Variants in WSCD1 observed in about 807,000 individuals in gnomAD.
WSCD1 encodes WSC domain sialate O sulfotransferase 1, also known as sialate:O-sulfotransferase 1.
Under a neutral mutation model 60.4 loss-of-function variants are expected in WSCD1, and 41 were observed. That is an observed-to-expected ratio of 0.68 (90% CI 0.53 to 0.88). The LOEUF is 0.88. WSCD1 is among the 40% of genes least tolerant of loss of function. The pLI, the probability that WSCD1 is intolerant of heterozygous loss-of-function variation, is 0.00. For missense variants in WSCD1, 784 were observed against 796.2 expected (o/e 0.98, Z 0.18); for synonymous variants, 361 against 332.5 (o/e 1.09, Z -0.93).
chr17:6,121,009 G>A lies in WSCD1; in HGVS notation c.*348G>A, dbSNP rs540825861. The A allele has an allele frequency of 3.2e-4, 92 of 284,188 alleles. No homozygotes were observed. Among genetic ancestry groups the A allele is most frequent in the African/African-American group, 1.9e-3 (90 of 46,202 alleles). The allele number at this position is 284,188 out of a possible 1,614,324, so 17.6% of individuals were successfully genotyped here. A position where few individuals can be genotyped will look rare whatever the true frequency, so the allele number is the denominator to read the frequency against. On this transcript the variant is annotated 3_prime_UTR_variant, in exon 9 of 9. Coordinates refer to ENST00000317744, the MANE Select transcript of WSCD1 (RefSeq NM_015253.2). ...GCACAGACGTAACACACAGGTGCCAGGCCGTGTGCTCCTGGAGGCTGGCTG... is the reference window on the plus strand; with the variant it reads ...GCACAGACGTAACACACAGGTGCCAAGCCGTGTGCTCCTGGAGGCTGGCTG...
At chr17:6,093,435 C>A (rs980731658) in intron 4 of WSCD1, among the ~76,000 whole-genome samples, 1 of 152,166 alleles carries the variant, frequency 6.6e-6, no homozygotes, top group African/African-American at 2.4e-5. Context: ...CCTCATGGCC[C>A]CCTTTTGTCC....
Position 6,110,337 on chromosome 17 carries a change from A to G in WSCD1, c.1010-434A>G, listed in dbSNP as rs1911339606. 6.6e-6 allele frequency among the ~76,000 whole-genome samples: 1 copy of G among 152,168 alleles called. No homozygotes were observed. Among genetic ancestry groups the G allele is most frequent in the Non-Finnish European group, 1.5e-5 (1 of 68,030 alleles). On this transcript the variant is annotated intron_variant, in intron 6 of 8. Coordinates refer to ENST00000317744, the MANE Select transcript of WSCD1 (RefSeq NM_015253.2). The surrounding 1 kb of genome is among the most constrained non-coding windows in gnomAD (Gnocchi z 4.8). ...TGTAGCAGCCCTGGGGATGAGACAT[A>G]ACGAATGACTTGCCTGTCATTAGTC...
At chr17:6,100,785 A>C (rs1294961271) in intron 5 of WSCD1, among the ~76,000 whole-genome samples, 1 of 152,110 alleles carries the variant, frequency 6.6e-6, no homozygotes, top group Non-Finnish European at 1.5e-5. Flanking sequence ...TGTCCTCTGG[A>C]GGGTAAAATC....
intron 4 of WSCD1, among the ~76,000 whole-genome samples, chr17:6,093,116 GTCATTCTGCC>G (rs1910166449): frequency 6.6e-6 from 1 of 152,220 alleles, no homozygotes; most frequent in South Asian, 2.1e-4. Flanking sequence ...CCTTGGAGGC[GTCATTCTGCC>G]AAGTGACCCT....
Position 6,075,862 on chromosome 17 carries a change from T to C in WSCD1, c.-288-4509T>C, listed in dbSNP as rs1490459792. 6.6e-6 allele frequency among the ~76,000 whole-genome samples: 1 copy of C among 152,064 alleles called. No homozygotes were observed. Among genetic ancestry groups the C allele is most frequent in the Non-Finnish European group, 1.5e-5 (1 of 68,006 alleles). ...GGAAGCACACCTTGGGGAAAAATTC[T>C]CCAGACTTTCAGAGGGGAGGGGCCC... is the stretch of plus-strand genomic sequence containing the variant. On this transcript the variant is annotated intron_variant, in intron 1 of 8. Coordinates refer to ENST00000317744, the MANE Select transcript of WSCD1 (RefSeq NM_015253.2). This position sits in a 1 kb window ranked among gnomAD's most constrained non-coding sequence, Gnocchi z 4.1.
intron 1 of WSCD1, among the ~76,000 whole-genome samples, chr17:6,079,053 G>A (rs1377735262): frequency 6.6e-6 from 1 of 152,250 alleles, no homozygotes; most frequent in East Asian, 1.9e-4. Context: ...AGCCGACCCA[G>A]ATTTCCAGAT....
At chr17:6,086,792 C>T (rs1909680650) in intron 2 of WSCD1, among the ~76,000 whole-genome samples, 1 of 152,188 alleles carries the variant, frequency 6.6e-6, no homozygotes, top group Non-Finnish European at 1.5e-5. Context: ...TGCCCTGGAC[C>T]AGGCTCTTGG....
intron 2 of WSCD1, among the ~76,000 whole-genome samples, chr17:6,083,040 G>A (rs1909380399): frequency 6.6e-6 from 1 of 152,140 alleles, no homozygotes; most frequent in Non-Finnish European, 1.5e-5. Flanking sequence ...AAGGGAGGGA[G>A]GAATGAGGAG....
At chr17:6,109,842 A>C in intron 6 of WSCD1, 76 bp downstream of exon 6, 1 of 1,555,758 alleles carries the variant, frequency 6.4e-7, no homozygotes, top group Non-Finnish European at 8.7e-7. Context: ...TGGAGATGCC[A>C]GTCATGGCCA....
chr17:6,111,905 C>T (rs1911436083), intron 7 of WSCD1, among the ~76,000 whole-genome samples: 1 of 152,030 alleles, frequency 6.6e-6, no homozygotes, highest in Non-Finnish European at 1.5e-5. Flanking sequence ...ATTTTATGAT[C>T]CGAATGAGAA....
chr17:6,070,266 G>A (rs926361640), upstream of WSCD1, among the ~76,000 whole-genome samples: 61 of 149,058 alleles, frequency 4.1e-4, no homozygotes, highest in African/African-American at 1.4e-3. Flanking sequence ...CAGGGCGTGG[G>A]CCCCCTCCGG....
rs1910815894 is a variant in WSCD1 at position 6,101,800 on chromosome 17, G to T, written c.849+6577G>T. 6.6e-6 allele frequency among the ~76,000 whole-genome samples: 1 copy of T among 152,194 alleles called. No individual in the cohort carries two copies. The highest frequency in any genetic ancestry group is 2.4e-5 in the African/African-American group (1 of 41,454). On this transcript the variant is annotated intron_variant, in intron 5 of 8. Coordinates refer to ENST00000317744, the MANE Select transcript of WSCD1 (RefSeq NM_015253.2). The surrounding 1 kb of genome is among the most constrained non-coding windows in gnomAD (Gnocchi z 4.1). ...GCAAGGCAAGAGTGAGCAGGGGGCAGCTTCGATATTTGCATTGCTACCAAT... is the reference window on the plus strand; with the variant it reads ...GCAAGGCAAGAGTGAGCAGGGGGCATCTTCGATATTTGCATTGCTACCAAT...
intron 5 of WSCD1, among the ~76,000 whole-genome samples, chr17:6,102,748 C>T (rs1910876495): frequency 6.6e-6 from 1 of 152,136 alleles, no homozygotes; most frequent in South Asian, 2.1e-4. Context: ...TGAGCATTTT[C>T]TTTCACCGTG....
rs144259890 is a variant in WSCD1, at chr17:6,085,210, A to T, written c.428-2780A>T. Among the ~76,000 whole-genome samples, 1,012 of 152,320 alleles carry T rather than the reference A, an allele frequency of 6.6e-3. 8 individuals are homozygous for T. Among genetic ancestry groups the T allele is most frequent in the African/African-American group, 0.022 (915 of 41,570 alleles). On this transcript the variant is annotated intron_variant, in intron 2 of 8. Transcript: ENST00000317744. Reference sequence around the variant, plus strand: ...TGTTATGTGCCAAGCATTGTATTGTATAGACATACATCTGTTATCTCATTT... The same window carrying T: ...TGTTATGTGCCAAGCATTGTATTGTTTAGACATACATCTGTTATCTCATTT...
At chr17:6,081,345 C>T (rs903996987) in intron 2 of WSCD1, among the ~76,000 whole-genome samples, 3 of 152,034 alleles carry the variant, frequency 2.0e-5, no homozygotes, top group African/African-American at 7.2e-5. Flanking sequence ...TTCAGACAGA[C>T]ATTGGCTGGA....
At chr17:6,089,018 A>G (rs1450449734) in intron 3 of WSCD1, among the ~76,000 whole-genome samples, 4 of 151,654 alleles carry the variant, frequency 2.6e-5, no homozygotes, top group East Asian at 1.9e-4. Flanking sequence ...TCCTGACCTC[A>G]TGATCTGCCC....
chr17:6,074,515 G>A (rs1011427444), intron 1 of WSCD1, among the ~76,000 whole-genome samples: 2 of 152,244 alleles, frequency 1.3e-5, no homozygotes, highest in African/African-American at 2.4e-5. Flanking sequence ...GGAAGGAGAG[G>A]TAGGGACATT....
intron 7 of WSCD1, among the ~76,000 whole-genome samples, chr17:6,117,253 T>G (rs542679913): frequency 4.3e-4 from 66 of 152,352 alleles, no homozygotes; most frequent in Non-Finnish European, 8.2e-4. Context: ...CCCGATGGGC[T>G]GATCAATGGG....
In WSCD1 at chr17:6,120,372, A is replaced by C. The variant is rs201574867; in HGVS notation, c.1439A>C (p.Lys480Thr). ...TCCTCGCACGTCCTGGACTGGCTCA[A>C]GTACGGGAAGCGGCTGCTGGTGGTG... Reference protein sequence around the residue: ...WWSSHVLDWLKYGKRLLVVHY... With the variant: ...WWSSHVLDWLTYGKRLLVVHY... Residue 480 changes from lysine (K) to threonine (T), a missense_variant, in exon 9 of 9, where the codon AAG becomes ACG. Transcript: ENST00000317744. 4.3e-6 allele frequency: 7 copies of C among 1,614,118 alleles called. No homozygotes were observed. The highest frequency in any genetic ancestry group is 3.3e-5 in the Admixed American group (2 of 60,030).
Sources: gnomAD v4.1 joint callset for allele counts (sites outside exome capture counted in the v4.1 genomes callset) on GRCh38, gnomAD v4.1.1 for gene constraint, Gnocchi (gnomAD v3.1) non-coding constraint, MANE v1.5 for transcripts, NCBI Gene and HGNC (gene_info 2026-07-23, HGNC 2026-07-21) for gene names.